GLYATL1B: variants seen among roughly 807,000 people sequenced by gnomAD.
GLYATL1B encodes the protein putative glycine N-acyltransferase-like protein 1B.
GLYATL1B carries 6 observed loss-of-function variants against 5.5 expected under a neutral mutation model. That is an observed-to-expected ratio of 1.09 (90% CI 0.60 to 2.15). The LOEUF (loss-of-function observed/expected upper bound fraction) is 2.15, where lower values mean the gene tolerates loss of function less well. Ranked by LOEUF, GLYATL1B falls within the 30% of genes most tolerant of loss-of-function variation. The probability of loss-of-function intolerance (pLI) is 0.00; values close to 1 mark genes in which losing one functional copy is unlikely to be tolerated. For missense variants in GLYATL1B, 135 were observed against 94.1 expected, an observed-to-expected ratio of 1.43 and a Z score of -1.80; for synonymous variants, 67 against 34.9, an observed-to-expected ratio of 1.92 and a Z score of -3.24.
At position 59,091,853 on chromosome 11, in the gene GLYATL1B, A is replaced by G. The variant is rs189065850; in HGVS notation, c.187-1676A>G. On this transcript the variant is annotated intron_variant, in intron 2 of 4. Transcript: ENST00000527482. The stretch of plus-strand genomic sequence containing the variant: ...TGCATTGGATAAAAAAACTTGGTAC[A>G]TGTATTCCTATGGAATACTACACAG... Among the ~76,000 whole-genome samples, 84 of 151,962 alleles carry G rather than the reference A, an allele frequency of 5.5e-4. 1 individual carries two copies. The highest frequency in any genetic ancestry group is 2.1e-4 in the Non-Finnish European group (14 of 67,770).
At chr11:59,091,134 T>C (rs1232129080) in intron 2 of GLYATL1B, among the ~76,000 whole-genome samples, 1 of 152,176 alleles carries the variant, frequency 6.6e-6, no homozygotes, top group Admixed American at 6.5e-5. Flanking sequence ...ATTCTTTTCA[T>C]ATGCTACTGA....
chr11:59,092,988 A>G (rs1280046305), intron 2 of GLYATL1B, among the ~76,000 whole-genome samples: 5 of 152,220 alleles, frequency 3.3e-5, no homozygotes, highest in Non-Finnish European at 7.3e-5. Context: ...ATCATGGTTA[A>G]ATTCATCTTG....
At chr11:59,091,735 C>T (rs1418788815) in intron 2 of GLYATL1B, among the ~76,000 whole-genome samples, 1 of 152,142 alleles carries the variant, frequency 6.6e-6, no homozygotes, top group East Asian at 1.9e-4. Flanking sequence ...GAAAATGAAT[C>T]GTTCTACCAA....
Position 59,093,504 on chromosome 11 carries a change from T to C in GLYATL1B, c.187-25T>C, listed in dbSNP as rs770803992. The C allele has an allele frequency of 6.6e-4, 316 of 476,762 alleles. 2 individuals are homozygous for C. The highest frequency in any genetic ancestry group is 1.4e-3 in the South Asian group (21 of 14,762). The allele number at this position is 476,762 out of a possible 1,614,324, so 29.5% of individuals were successfully genotyped here. The stretch of plus-strand genomic sequence containing the variant: ...GAGAAGAAAAAGTTCAAGGGAATGA[T>C]CTGACCTTTCACCATCCTACACAGG... On this transcript the variant is annotated intron_variant, in intron 2 of 4. Coordinates refer to ENST00000527482, the MANE Select transcript of GLYATL1B (RefSeq NM_001355566.1).
intron 2 of GLYATL1B, among the ~76,000 whole-genome samples, chr11:59,090,493 G>A (rs976669397): frequency 2.0e-4 from 31 of 151,754 alleles, no homozygotes; most frequent in Non-Finnish European, 7.4e-5. Context: ...GGTAAACTAC[G>A]TGATTTTTCC....
At position 59,088,458 on chromosome 11, in the gene GLYATL1B, C is replaced by T. The variant is rs558030877; in HGVS notation, c.186+1287C>T. On this transcript the variant is annotated intron_variant, in intron 2 of 4. Transcript: ENST00000527482. ...GCCCCCACATAATAATAAGCTGAGC[C>T]TAATACCTTCCCCAGGGATGTTCTT... Among the ~76,000 whole-genome samples the T allele has an allele frequency of 2.1e-3, 324 of 152,252 alleles. 3 individuals are homozygous for T. The highest frequency in any genetic ancestry group is 6.5e-3 in the African/African-American group (269 of 41,548).
rs193249525 is a variant in GLYATL1B, at chr11:59,094,388, T to C, written c.511T>C (p.Tyr171His). 404 of 567,400 alleles carry C rather than the reference T, an allele frequency of 7.1e-4. 2 individuals carry two copies. Among genetic ancestry groups the C allele is most frequent in the African/African-American group, 6.7e-3 (353 of 52,308 alleles). The allele number at this position is 567,400 out of a possible 1,614,324, so 35.1% of individuals were successfully genotyped here. A position where few individuals can be genotyped will look rare whatever the true frequency, so the allele number is the denominator to read the frequency against. Residue 171 changes from tyrosine (Y) to histidine (H), a missense_variant, in exon 5 of 5, where the codon TAT (tyrosine) becomes CAT (histidine). Transcript: ENST00000527482. ...ELESETPNFK[Y>H]AQLNVSYSGL... The stretch of plus-strand genomic sequence containing the variant: ...CTACAGCGAGACTCCGAACTTTAAG[T>C]ATGCCCAGCTGAATGTGTCTTATTC...
intron 2 of GLYATL1B, among the ~76,000 whole-genome samples, chr11:59,092,433 C>T (rs879349032): frequency 2.2e-4 from 33 of 151,898 alleles, no homozygotes; most frequent in African/African-American, 4.4e-4. Context: ...TTTTAAAATC[C>T]GGTCTTTTAA....
In GLYATL1B at chr11:59,094,107, G is replaced by A. The variant is rs529038399; in HGVS notation, c.487G>A (p.Glu163Lys). The change falls in exon 4 of 5, where the codon GAG becomes AAG. Residue 163 changes from glutamate to lysine, a missense_variant. Coordinates refer to ENST00000527482, the MANE Select transcript of GLYATL1B (RefSeq NM_001355566.1). ...AETGHPDDEL[E>K]SETPNFKYAQ... Reference sequence around the variant, plus strand: ...GACAGGCCACCCAGATGACGAATTGGAGAGGTACAAAAAACATGTGCTGAT... The same window carrying A: ...GACAGGCCACCCAGATGACGAATTGAAGAGGTACAAAAAACATGTGCTGAT... 4.8e-6 allele frequency: 3 copies of A among 619,952 alleles called. No homozygotes were observed. Among genetic ancestry groups the A allele is most frequent in the East Asian group, 5.6e-5 (2 of 35,946 alleles). 38.4% of individuals were successfully genotyped at this position (619,952 alleles called of 1,614,324 possible). A position where few individuals can be genotyped will look rare whatever the true frequency, so the allele number is the denominator to read the frequency against.
intron 2 of GLYATL1B, among the ~76,000 whole-genome samples, chr11:59,090,971 T>G (rs1387354224): frequency 6.6e-6 from 1 of 152,180 alleles, no homozygotes; most frequent in East Asian, 1.9e-4. Flanking sequence ...AAATTATATT[T>G]AGAATGAACG....
In GLYATL1B at chr11:59,094,033, T is replaced by G; in HGVS notation, c.413T>G (p.Ile138Ser). ...SRALLFVTED[I>S]LKLYATNKSK... ...GCACTCCTCTTTGTTACGGAAGATA[T>G]CCTGAAGCTCTATGCCACCAATAAA... Residue 138 changes from isoleucine to serine, a missense_variant, in exon 4 of 5, where the codon ATC (isoleucine) becomes AGC (serine). Coordinates refer to ENST00000527482, the MANE Select transcript of GLYATL1B (RefSeq NM_001355566.1). The G allele has an allele frequency of 1.5e-6, 1 of 688,668 alleles. No individual in the cohort carries two copies. Among genetic ancestry groups the G allele is most frequent in the East Asian group, 2.7e-5 (1 of 37,598 alleles). 42.7% of individuals were successfully genotyped at this position (688,668 alleles called of 1,614,324 possible). A position where few individuals can be genotyped will look rare whatever the true frequency, so the allele number is the denominator to read the frequency against.
Position 59,093,525 on chromosome 11 carries a change from A to G in GLYATL1B, c.187-4A>G. ...ATGATCTGACCTTTCACCATCCTAC[A>G]CAGGAGATGACTGATGACATGGATT... On this transcript the variant is annotated splice_polypyrimidine_tract_variant and splice_region_variant and intron_variant, in intron 2 of 4. Transcript: ENST00000527482. 1.0e-5 allele frequency: 5 copies of G among 478,116 alleles called. No individual in the cohort carries two copies. The highest frequency in any genetic ancestry group is 1.9e-5 in the Non-Finnish European group (5 of 259,204). 29.6% of individuals were successfully genotyped at this position (478,116 alleles called of 1,614,324 possible).
rs367808205 is a variant in GLYATL1B, at chr11:59,094,566, G to C, written c.689G>C (p.Gly230Ala). 1,367 of 583,350 alleles carry C rather than the reference G, an allele frequency of 2.3e-3. 35 individuals carry two copies. The South Asian group carries it at 0.04, about 17-fold the overall frequency. 36.1% of individuals were successfully genotyped at this position (583,350 alleles called of 1,614,324 possible). ...ACCATGGACCCTTCTTGTGAAATAGGAATGGGCTACAGTGTGGAAAAATAC... is the reference window on the plus strand; with the variant it reads ...ACCATGGACCCTTCTTGTGAAATAGCAATGGGCTACAGTGTGGAAAAATAC... Reference protein sequence around the residue: ...WVTMDPSCEIGMGYSVEKYRR... With the variant: ...WVTMDPSCEIAMGYSVEKYRR... Residue 230 changes from glycine to alanine, a missense_variant, in exon 5 of 5, where the codon GGA becomes GCA. Transcript: ENST00000527482.
At chr11:59,093,104 G>A (rs1261166203) in intron 2 of GLYATL1B, among the ~76,000 whole-genome samples, 1 of 152,200 alleles carries the variant, frequency 6.6e-6, no homozygotes, top group African/African-American at 2.4e-5. Context: ...GGGGATATGT[G>A]TGGTCCAGGA....
rs1382023530 is a variant in GLYATL1B, at chr11:59,086,328, G to A, written c.22G>A (p.Glu8Lys). ...CAAAATGATTCTATTGAATAATTCC[G>A]AGCGGCTGCTGGCCCTATTCAAATC... MILLNNSERLLALFKSLA... is the reference protein window; with the variant it reads MILLNNSKRLLALFKSLA... The change falls in exon 1 of 5, where the codon GAG becomes AAG. Residue 8 changes from glutamate (E) to lysine (K), a missense_variant. Glu to Lys is a moderately conservative substitution (Grantham distance 56, BLOSUM62 1). Coordinates refer to ENST00000527482, the MANE Select transcript of GLYATL1B (RefSeq NM_001355566.1). The A allele has an allele frequency of 7.5e-6, 3 of 398,910 alleles. No homozygotes were observed. In the South Asian group the frequency reaches 3.8e-4, roughly 51 times the overall value. The allele number at this position is 398,910 out of a possible 1,614,324, so 24.7% of individuals were successfully genotyped here.
intron 2 of GLYATL1B, among the ~76,000 whole-genome samples, chr11:59,091,216 T>C (rs1859301426): frequency 1.3e-5 from 2 of 152,152 alleles, no homozygotes; most frequent in Admixed American, 1.3e-4. Flanking sequence ...TTGTTATTTC[T>C]TTACCAGATT....
intron 4 of GLYATL1B, 98 bp from the exon 5 acceptor site, chr11:59,094,271 T>A (rs1248825372): frequency 8.2e-6 from 4 of 490,162 alleles, no homozygotes; most frequent in African/African-American, 7.9e-5. Flanking sequence ...GGTGGGTCTT[T>A]TAACAAGAAG....
chr11:59,086,679 A>G (rs1859200116), intron 1 of GLYATL1B, among the ~76,000 whole-genome samples: 1 of 152,196 alleles, frequency 6.6e-6, no homozygotes, highest in Non-Finnish European at 1.5e-5. Context: ...GCCATTTTTT[A>G]GTCAGATATC....
At chr11:59,091,218 T>G (rs962610737) in intron 2 of GLYATL1B, among the ~76,000 whole-genome samples, 1 of 152,146 alleles carries the variant, frequency 6.6e-6, no homozygotes, top group East Asian at 1.9e-4. Context: ...GTTATTTCTT[T>G]ACCAGATTTG....
Sources: gnomAD v4.1 joint callset for allele counts (sites outside exome capture counted in the v4.1 genomes callset) on GRCh38, gnomAD v4.1.1 for gene constraint, MANE v1.5 for transcripts, NCBI Gene and HGNC (gene_info 2026-07-23, HGNC 2026-07-21) for gene names.